NEGR1: variants seen among roughly 807,000 people sequenced by gnomAD.
The protein encoded by NEGR1 is IgLON family member 4.
A neutral mutation model predicts 40.9 loss-of-function variants in NEGR1; 10 were observed. The observed-to-expected ratio is 0.24, with a 90% CI of 0.15 to 0.42. The LOEUF (loss-of-function observed/expected upper bound fraction) is 0.42, where lower values mean the gene tolerates loss of function less well. NEGR1 is among the 10% of genes least tolerant of loss of function. The pLI, the probability that NEGR1 is intolerant of heterozygous loss-of-function variation, is 1.00. For missense variants in NEGR1, 352 were observed against 438.9 expected (o/e 0.80, Z 1.77); for synonymous variants, 185 against 166.8 (o/e 1.11, Z -0.84).
At chr1:72,189,604 G>T (rs1343605337) in intron 1 of NEGR1, among the ~76,000 whole-genome samples, 1 of 151,394 alleles carries the variant, frequency 6.6e-6, no homozygotes, top group Non-Finnish European at 1.5e-5. Context: ...TAGTACTATG[G>T]GAGTCCAAAG....
intron 4 of NEGR1, among the ~76,000 whole-genome samples, chr1:71,676,194 G>T (rs904838090): frequency 6.6e-6 from 1 of 151,966 alleles, no homozygotes; most frequent in Admixed American, 6.6e-5. Context: ...GACACTTTTT[G>T]TGTGTGTGTG....
chr1:71,650,678 AT>A, intron 4 of NEGR1, among the ~76,000 whole-genome samples: 1 of 152,072 alleles, frequency 6.6e-6, no homozygotes, highest in South Asian at 2.1e-4. Context: ...ATAAAGCTTT[AT>A]TCTTTAAGTT....
intron 2 of NEGR1, among the ~76,000 whole-genome samples, chr1:71,918,956 C>G (rs1661681155): frequency 6.6e-6 from 1 of 152,088 alleles, no homozygotes; most frequent in African/African-American, 2.4e-5. Flanking sequence ...TAGAATTTTT[C>G]CAGATGGAGT....
intron 4 of NEGR1, among the ~76,000 whole-genome samples, chr1:71,689,155 T>C (rs181989027): frequency 6.6e-6 from 1 of 152,296 alleles, no homozygotes; most frequent in African/African-American, 2.4e-5. Flanking sequence ...TTGCCAACAA[T>C]GCGTAATAGA....
chr1:71,660,978 G>T (rs1652036016), intron 4 of NEGR1, among the ~76,000 whole-genome samples: 1 of 152,114 alleles, frequency 6.6e-6, no homozygotes, highest in Non-Finnish European at 1.5e-5. Flanking sequence ...GTGTTAGTTT[G>T]CTGAGAATGA....
chr1:72,056,215 C>A (rs897164655), intron 1 of NEGR1, among the ~76,000 whole-genome samples: 5 of 151,136 alleles, frequency 3.3e-5, no homozygotes, highest in Non-Finnish European at 7.4e-5. Context: ...AAGAAGTTAA[C>A]CAAAATTTTC....
intron 3 of NEGR1, among the ~76,000 whole-genome samples, chr1:71,704,097 T>C (rs1331848950): frequency 6.6e-6 from 1 of 151,700 alleles, no homozygotes; most frequent in Non-Finnish European, 1.5e-5. Flanking sequence ...ATAAGAACTA[T>C]TGCAGACTTC....
intron 1 of NEGR1, among the ~76,000 whole-genome samples, chr1:72,143,924 T>TC (rs933296133): frequency 9.3e-6 from 1 of 107,580 alleles, no homozygotes; most frequent in Non-Finnish European, 2.2e-5. Flanking sequence ...AATATATATA[T>TC]ATATATATAT....
At position 71,996,948 on chromosome 1, in the gene NEGR1, CCA is replaced by C. The variant is rs555698060; in HGVS notation, c.177-61639_177-61638del. Among the ~76,000 whole-genome samples, 283 of 152,086 alleles carry C rather than the reference CCA, an allele frequency of 1.9e-3. 3 individuals carry two copies. The highest frequency in any genetic ancestry group is 6.8e-3 in the African/African-American group (281 of 41,526). ...GGTTCTATATGGCCCGAAATTTCCT[CCA>C]GTTTGCTCCCTCCACCTCCCTACTA... On this transcript the variant is annotated intron_variant, in intron 1 of 6. Transcript: ENST00000357731.
At chr1:72,095,651 A>ATT (rs150630088) in intron 1 of NEGR1, among the ~76,000 whole-genome samples, 1 of 151,972 alleles carries the variant, frequency 6.6e-6, no homozygotes, top group African/African-American at 2.4e-5. Flanking sequence ...ACATATATAT[A>ATT]TTTTTTTAAA....
intron 1 of NEGR1, among the ~76,000 whole-genome samples, chr1:72,147,042 A>C (rs906265711): frequency 3.3e-5 from 5 of 152,198 alleles, no homozygotes; most frequent in African/African-American, 1.2e-4. Flanking sequence ...CATCTCTTTT[A>C]CTATAAGGAA....
chr1:72,120,666 C>G (rs1489095562), intron 1 of NEGR1, among the ~76,000 whole-genome samples: 1 of 151,936 alleles, frequency 6.6e-6, no homozygotes, highest in Non-Finnish European at 1.5e-5. Flanking sequence ...CCCACTACCT[C>G]CACCCCACAA....
intron 1 of NEGR1, among the ~76,000 whole-genome samples, chr1:72,091,636 G>C (rs922098210): frequency 6.6e-6 from 1 of 152,034 alleles, no homozygotes; most frequent in Non-Finnish European, 1.5e-5. Context: ...AACTGATTTT[G>C]CTTGGATGGA....
At chr1:71,769,013 G>C (rs1327868391) in intron 3 of NEGR1, among the ~76,000 whole-genome samples, 2 of 151,530 alleles carry the variant, frequency 1.3e-5, no homozygotes, top group Non-Finnish European at 2.9e-5. Context: ...AGCAGAAGCT[G>C]TTATGCCTTG....
At chr1:71,900,512 T>C (rs1387059712) in intron 2 of NEGR1, among the ~76,000 whole-genome samples, 2 of 152,230 alleles carry the variant, frequency 1.3e-5, no homozygotes, top group Non-Finnish European at 2.9e-5. Flanking sequence ...TTTCATTTAA[T>C]AATATTCAAA....
At chr1:71,762,093 T>C (rs1655964102) in intron 3 of NEGR1, among the ~76,000 whole-genome samples, 1 of 152,082 alleles carries the variant, frequency 6.6e-6, no homozygotes, top group African/African-American at 2.4e-5. Context: ...TAGTAAAGGT[T>C]GGACATCCTT....
intron 1 of NEGR1, among the ~76,000 whole-genome samples, chr1:72,209,290 G>T (rs145193733): frequency 1.3e-5 from 2 of 151,354 alleles, no homozygotes; most frequent in East Asian, 3.9e-4. Context: ...AAATATATTT[G>T]ACTCTTTATC....
chr1:72,088,575 G>A (rs186377610), intron 1 of NEGR1, among the ~76,000 whole-genome samples: 3 of 151,922 alleles, frequency 2.0e-5, no homozygotes, highest in African/African-American at 4.8e-5. Context: ...TTAAATAGGA[G>A]TTCAAATAGG....
intron 1 of NEGR1, among the ~76,000 whole-genome samples, chr1:72,174,525 A>G (rs1311265643): frequency 6.6e-6 from 1 of 152,092 alleles, no homozygotes; most frequent in Non-Finnish European, 1.5e-5. Context: ...GTAAACATTG[A>G]TCCTTTTACT....
Sources: allele counts gnomAD v4.1 joint callset (sites outside exome capture counted in the v4.1 genomes callset), GRCh38; gene constraint gnomAD v4.1.1; transcripts MANE v1.5; gene names NCBI Gene and HGNC (gene_info 2026-07-23, HGNC 2026-07-21).